The following DRC11 variants were observed in gnomAD, a reference collection of about 807,000 sequenced individuals.
The protein encoded by DRC11 is IQ and AAA domain-containing protein 1.
At chr2:236,462,657 C>T in the DRC11 span, among the ~76,000 whole-genome samples, 13 of 152,130 alleles carry the variant, frequency 8.5e-5, no homozygotes, top group South Asian at 6.2e-4. The surrounding 1 kb of genome is among the most constrained non-coding windows in gnomAD (Gnocchi z 6.4). Context: ...GGTGACACAG[C>T]GAGACCCTGC....
chr2:236,357,943 TAATATATA>T, the DRC11 span, among the ~76,000 whole-genome samples: 5 of 87,214 alleles, frequency 5.7e-5, no homozygotes, highest in East Asian at 1.0e-3. Flanking sequence ...TATGAATATA[TAATATATA>T]AATATATATA....
chr2:236,334,398 T>C, the DRC11 span, among the ~76,000 whole-genome samples: 1 of 152,048 alleles, frequency 6.6e-6, no homozygotes, highest in South Asian at 2.1e-4. This position sits in a 1 kb window ranked among gnomAD's most constrained non-coding sequence, Gnocchi z 7.8. Context: ...GGCCCAGAAG[T>C]GCAGTGGGGA....
At chr2:236,399,260 G>A in the DRC11 span, among the ~76,000 whole-genome samples, 1 of 152,050 alleles carries the variant, frequency 6.6e-6, no homozygotes, top group Admixed American at 6.6e-5. This position sits in a 1 kb window ranked among gnomAD's most constrained non-coding sequence, Gnocchi z 7.0. Flanking sequence ...AAAGTGCTGG[G>A]ATTACAGGCG....
At chr2:236,387,227 T>C in the DRC11 span, among the ~76,000 whole-genome samples, 5 of 148,226 alleles carry the variant, frequency 3.4e-5, no homozygotes, top group African/African-American at 1.2e-4. Context: ...TTGTTGACTT[T>C]CTGTCTCGTT....
At chr2:236,403,960 C>T in the DRC11 span, among the ~76,000 whole-genome samples, 2 of 152,078 alleles carry the variant, frequency 1.3e-5, no homozygotes, top group African/African-American at 4.8e-5. Context: ...AACTGTCACA[C>T]ACACGTTTCC....
chr2:236,407,114 A>G, the DRC11 span, among the ~76,000 whole-genome samples: 2 of 152,210 alleles, frequency 1.3e-5, no homozygotes, highest in Non-Finnish European at 2.9e-5. Flanking sequence ...TTGCGACAGC[A>G]CTAGGGAATC....
chr2:236,368,582 T>A, the DRC11 span: 5 of 277,220 alleles, frequency 1.8e-5, no homozygotes, highest in African/African-American at 1.1e-4. Flanking sequence ...AACATTTGAA[T>A]ATAGAGTTAT....
the DRC11 span, chr2:236,419,416 G>A: frequency 2.3e-6 from 3 of 1,294,452 alleles, no homozygotes; most frequent in Non-Finnish European, 2.0e-6. This position sits in a 1 kb window ranked among gnomAD's most constrained non-coding sequence, Gnocchi z 4.8. Flanking sequence ...CCCTTCTGGG[G>A]CATGGTGGGG....
chr2:236,362,203 T>C, the DRC11 span, among the ~76,000 whole-genome samples: 1 of 152,130 alleles, frequency 6.6e-6, no homozygotes, highest in Non-Finnish European at 1.5e-5. The surrounding 1 kb of genome is among the most constrained non-coding windows in gnomAD (Gnocchi z 5.7). Context: ...CTAAAAAATA[T>C]GAAATTAACC....
chr2:236,347,066 C>T, the DRC11 span, among the ~76,000 whole-genome samples: 1 of 152,172 alleles, frequency 6.6e-6, no homozygotes, highest in Non-Finnish European at 1.5e-5. Context: ...AGAGAAGGGA[C>T]GCAAGACCCC....
chr2:236,395,023 A>G, the DRC11 span, among the ~76,000 whole-genome samples: 3 of 152,226 alleles, frequency 2.0e-5, no homozygotes, highest in Admixed American at 2.0e-4. Flanking sequence ...CAGACAGAAA[A>G]TAAATCACAA....
At chr2:236,452,884 A>G in the DRC11 span, among the ~76,000 whole-genome samples, 1 of 152,212 alleles carries the variant, frequency 6.6e-6, no homozygotes, top group Non-Finnish European at 1.5e-5. The surrounding 1 kb of genome is among the most constrained non-coding windows in gnomAD (Gnocchi z 4.7). Context: ...TATATTACTC[A>G]GCACACAATT....
At chr2:236,357,861 C>A in the DRC11 span, among the ~76,000 whole-genome samples, 10 of 117,928 alleles carry the variant, frequency 8.5e-5, no homozygotes, top group Non-Finnish European at 1.3e-4. Flanking sequence ...TAAATATATA[C>A]TATATAAATA....
the DRC11 span, among the ~76,000 whole-genome samples, chr2:236,367,050 C>T: frequency 6.1e-5 from 9 of 148,756 alleles, no homozygotes; most frequent in East Asian, 2.0e-4. The surrounding 1 kb of genome is among the most constrained non-coding windows in gnomAD (Gnocchi z 4.8). Context: ...TCGAACTCGA[C>T]CTCAGGTGAT....
the DRC11 span, among the ~76,000 whole-genome samples, chr2:236,466,288 G>A: frequency 6.6e-6 from 1 of 150,766 alleles, no homozygotes; most frequent in East Asian, 1.9e-4. Flanking sequence ...AACAAGTATA[G>A]GACCTACGCA....
chr2:236,405,790 AAACAGGCAGGTAGTGTATACAGCATG>A, the DRC11 span, among the ~76,000 whole-genome samples: 1 of 152,204 alleles, frequency 6.6e-6, no homozygotes, highest in Non-Finnish European at 1.5e-5. The surrounding 1 kb of genome is among the most constrained non-coding windows in gnomAD (Gnocchi z 4.6). Context: ...TCCTATACAG[AAACAGGCAGGTAGTGTATACAGCATG>A]AACATGCTGG....
the DRC11 span, among the ~76,000 whole-genome samples, chr2:236,480,533 A>G: frequency 1.3e-5 from 2 of 152,110 alleles, no homozygotes; most frequent in Admixed American, 1.3e-4. Flanking sequence ...GTATTTTTCT[A>G]TCCAGCAAAT....
the DRC11 span, among the ~76,000 whole-genome samples, chr2:236,413,603 G>T: frequency 6.6e-6 from 1 of 152,216 alleles, no homozygotes; most frequent in East Asian, 1.9e-4. This position sits in a 1 kb window ranked among gnomAD's most constrained non-coding sequence, Gnocchi z 4.0. Flanking sequence ...AGGAGCTGTG[G>T]TCAGAGTTAG....
At chr2:236,488,894 G>A in the DRC11 span, among the ~76,000 whole-genome samples, 409 of 152,264 alleles carry the variant, frequency 2.7e-3, 2 homozygotes, top group African/African-American at 9.7e-3. Flanking sequence ...AAAGGGCTCC[G>A]GGTGCATGCT....
Sources: gnomAD v4.1 joint callset for allele counts (sites outside exome capture counted in the v4.1 genomes callset) on GRCh38, gnomAD v4.1.1 for gene constraint, Gnocchi (gnomAD v3.1) non-coding constraint, MANE v1.5 for transcripts, NCBI Gene and HGNC (gene_info 2026-07-23, HGNC 2026-07-21) for gene names.